HBP1: variants seen among roughly 807,000 people sequenced by gnomAD.
HBP1 encodes the protein HMG-box transcription factor 1.
A neutral mutation model predicts 62.6 loss-of-function variants in HBP1; 20 were observed. That is an observed-to-expected ratio of 0.32 (90% CI 0.22 to 0.46). HBP1 has a LOEUF of 0.46. Among genes scored for constraint, HBP1 ranks in the 20% least tolerant of loss-of-function variants. HBP1 has a pLI of 1.00. For synonymous variants in HBP1, 232 were observed against 206.2 expected (o/e 1.12, Z -1.07); for missense variants, 480 against 611.8 (o/e 0.78, Z 2.27).
chr7:107,197,571 T>C (rs145066111), intron 9 of HBP1, among the ~76,000 whole-genome samples: 9 of 152,298 alleles, frequency 5.9e-5, no homozygotes, highest in African/African-American at 2.2e-4. Flanking sequence ...GGTTTCACTA[T>C]GTTGGCCAGG....
chr7:107,185,093 A>T (rs989327061), intron 3 of HBP1, among the ~76,000 whole-genome samples: 1 of 152,118 alleles, frequency 6.6e-6, no homozygotes, highest in Admixed American at 6.5e-5. Flanking sequence ...TGCTCCTGGG[A>T]GCTCCATATA....
Position 107,179,946 on chromosome 7 carries a change from T to G in HBP1, c.53T>G (p.Leu18Arg), listed in dbSNP as rs765981640. The G allele has an allele frequency of 6.2e-7, 1 of 1,601,290 alleles. No homozygotes were observed. The highest frequency in any genetic ancestry group is 8.5e-7 in the Non-Finnish European group (1 of 1,171,624). ...NQMPNAVQKL[L>R]LVMDKRASGM... ...ATGCCTAATGCAGTACAGAAACTCC[T>G]GTTGGTGATGGACAAGAGAGCCTCA... is the stretch of plus-strand genomic sequence containing the variant. The change falls in exon 2 of 11, where the codon CTG becomes CGG. Residue 18 changes from leucine (L) to arginine (R), a missense_variant. Around this residue, in one of 4 missense-constraint regions of HBP1, gnomAD observed 304 missense variants for 330.9 expected, o/e 0.92. Transcript: ENST00000222574.
rs141409359 is a variant in HBP1 at position 107,176,893 on chromosome 7, G to A, written c.-15-2986G>A. On this transcript the variant is annotated intron_variant, in intron 1 of 10. Coordinates refer to ENST00000222574, the MANE Select transcript of HBP1 (RefSeq NM_012257.4). The stretch of plus-strand genomic sequence containing the variant: ...GTACATTGTACTAAACTGGAGAAGC[G>A]TTAATTTCTTCCAAATTTCATCTTT... 1.0e-3 allele frequency among the ~76,000 whole-genome samples: 159 copies of A among 152,190 alleles called. 2 individuals carry two copies. Among genetic ancestry groups the A allele is most frequent in the Middle Eastern group, 3.4e-3 (1 of 294 alleles).
intron 4 of HBP1, 120 bp downstream of exon 4, chr7:107,186,062 C>T: frequency 1.4e-6 from 1 of 729,648 alleles, no homozygotes; most frequent in Non-Finnish European, 2.3e-6. Flanking sequence ...ATTTTATATA[C>T]AGCTCTGCTA....
chr7:107,185,928 G>A lies in HBP1; in HGVS notation c.526G>A (p.Val176Ile). 8.7e-6 allele frequency: 14 copies of A among 1,612,854 alleles called. No individual in the cohort carries two copies. Among genetic ancestry groups the A allele is most frequent in the Non-Finnish European group, 1.2e-5 (14 of 1,178,906 alleles). Residue 176 changes from valine to isoleucine, a missense_variant, in exon 4 of 11, where the codon GTA (valine) becomes ATA (isoleucine). Val to Ile is a conservative substitution (Grantham distance 29). This residue lies in a region of HBP1 where 304 missense variants were observed against 330.9 expected (regional missense o/e 0.92). Transcript: ENST00000222574. ...PHHHWKEETP[V>I]RHERANSESE... ...TCACCATTGGAAGGAGGAAACACCAGTAAGACACGAAAGGGTAAGTTTATT... is the reference window on the plus strand; with the variant it reads ...TCACCATTGGAAGGAGGAAACACCAATAAGACACGAAAGGGTAAGTTTATT...
intron 3 of HBP1, among the ~76,000 whole-genome samples, chr7:107,183,857 A>T (rs967560102): frequency 1.3e-5 from 2 of 152,156 alleles, no homozygotes; most frequent in Non-Finnish European, 2.9e-5. Context: ...CCTACCTCCT[A>T]ACACTGTCTG....
In HBP1 at chr7:107,180,500, G is replaced by A. The variant is rs543861067; in HGVS notation, c.169+438G>A. 2.0e-3 allele frequency among the ~76,000 whole-genome samples: 305 copies of A among 152,324 alleles called. 2 individuals carry two copies. Among genetic ancestry groups the A allele is most frequent in the African/African-American group, 6.9e-3 (288 of 41,564 alleles). ...ATTGCTAAACTACTCCTGGAGATAT[G>A]TGACCTTTAGAAATGTGTAAGTTTG... On this transcript the variant is annotated intron_variant, in intron 2 of 10. Transcript: ENST00000222574.
rs1234276247 is a variant in HBP1 at position 107,185,881 on chromosome 7, A to G, written c.479A>G (p.Lys160Arg). 1.2e-6 allele frequency: 2 copies of G among 1,613,054 alleles called. No individual in the cohort carries two copies. Among genetic ancestry groups the G allele is most frequent in the Admixed American group, 3.3e-5 (2 of 60,024 alleles). The change falls in exon 4 of 11, where the codon AAG (lysine) becomes AGG (arginine). Residue 160 changes from lysine to arginine, a missense_variant. Physicochemically the swap from Lys to Arg is conservative, Grantham distance 26. This residue lies in a region of HBP1 where 304 missense variants were observed against 330.9 expected (regional missense o/e 0.92). Transcript: ENST00000222574. The part of the protein sequence containing the change: ...ARPPPVSSSS[K>R]SEPAFPHHHW... ...CCTCCACCAGTGTCCTCTTCTTCGA[A>G]GAGTGAACCAGCCTTCCCTCATCAC...
chr7:107,200,252 A>T lies in HBP1; in HGVS notation c.1478A>T (p.Glu493Val). Residue 493 changes from glutamate (E) to valine (V), a missense_variant, in exon 10 of 11, where the codon GAA becomes GTA. Around this residue, in one of 4 missense-constraint regions of HBP1, gnomAD observed 52 missense variants for 96.0 expected, o/e 0.54. Transcript: ENST00000222574. ...YTLEAKALAE[E>V]QKRLNPDCWK... ...TTAGAAGCAAAGGCTTTGGCTGAAGAACAGAAACGTTTAAATCCTGACTGT... is the reference window on the plus strand; with the variant it reads ...TTAGAAGCAAAGGCTTTGGCTGAAGTACAGAAACGTTTAAATCCTGACTGT... 6.2e-7 allele frequency: 1 copy of T among 1,613,508 alleles called. No homozygotes were observed. Among genetic ancestry groups the T allele is most frequent in the Non-Finnish European group, 8.5e-7 (1 of 1,179,588 alleles).
intron 1 of HBP1, among the ~76,000 whole-genome samples, chr7:107,172,437 T>C (rs1796643835): frequency 6.6e-6 from 1 of 152,102 alleles, no homozygotes; most frequent in African/African-American, 2.4e-5. Context: ...ATAATAGAAA[T>C]TATGAAGCAC....
intron 6 of HBP1, among the ~76,000 whole-genome samples, chr7:107,187,712 A>G (rs146451852): frequency 6.6e-6 from 1 of 152,314 alleles, no homozygotes; most frequent in East Asian, 1.9e-4. Context: ...AAAGGTTACT[A>G]GCTTTATTCT....
intron 1 of HBP1, among the ~76,000 whole-genome samples, chr7:107,176,713 T>C (rs1796867835): frequency 1.3e-5 from 2 of 151,910 alleles, no homozygotes; most frequent in African/African-American, 4.8e-5. Context: ...TTTTTTTTTT[T>C]TTTTTTCAGG....
intron 8 of HBP1, among the ~76,000 whole-genome samples, chr7:107,195,043 G>A (rs1252712708): frequency 6.6e-6 from 1 of 152,110 alleles, no homozygotes; most frequent in Admixed American, 6.5e-5. Context: ...TCCTTTATTT[G>A]TTTTTTATTT....
chr7:107,188,488 T>G (rs939906523), intron 6 of HBP1, among the ~76,000 whole-genome samples: 3 of 152,260 alleles, frequency 2.0e-5, no homozygotes, highest in Admixed American at 1.3e-4. Flanking sequence ...GTAATTATGA[T>G]TGGATACTAT....
At chr7:107,175,739 C>T (rs1272358262) in intron 1 of HBP1, among the ~76,000 whole-genome samples, 17 of 135,186 alleles carry the variant, frequency 1.3e-4, no homozygotes, top group South Asian at 2.3e-4. Context: ...TTTTTTGAGA[C>T]GGAGTCTTGC....
At chr7:107,171,196 A>G (rs1796577069) in intron 1 of HBP1, among the ~76,000 whole-genome samples, 1 of 149,628 alleles carries the variant, frequency 6.7e-6, no homozygotes, top group Non-Finnish European at 1.5e-5. Flanking sequence ...CAGCCTCCTG[A>G]GTAGCTGGGA....
chr7:107,172,663 A>G (rs975423043), intron 1 of HBP1, among the ~76,000 whole-genome samples: 1 of 152,194 alleles, frequency 6.6e-6, no homozygotes, highest in African/African-American at 2.4e-5. Context: ...GAACTTGTAT[A>G]GATGTGGATT....
intron 2 of HBP1, among the ~76,000 whole-genome samples, chr7:107,181,917 AT>A (rs1797124498): frequency 6.6e-6 from 1 of 152,118 alleles, no homozygotes; most frequent in South Asian, 2.1e-4. Context: ...TAACCGATAA[AT>A]AACCAGTAAA....
intron 1 of HBP1, among the ~76,000 whole-genome samples, chr7:107,170,713 G>A (rs1796513814): frequency 1.3e-5 from 2 of 151,604 alleles, no homozygotes; most frequent in African/African-American, 4.8e-5. Context: ...TCTTAGTTTT[G>A]TAAACCTACT....
Sources: gnomAD v4.1 joint callset for allele counts (sites outside exome capture counted in the v4.1 genomes callset) on GRCh38, gnomAD v4.1.1 for gene constraint, gnomAD v4.1.1 regional missense constraint, MANE v1.5 for transcripts, NCBI Gene and HGNC (gene_info 2026-07-23, HGNC 2026-07-21) for gene names.